GRM8: variants seen among roughly 807,000 people sequenced by gnomAD.
The protein encoded by GRM8 is metabotropic glutamate receptor 8.
In GRM8, 47 loss-of-function variants were observed where a neutral mutation model predicts 87.2. The observed-to-expected ratio is 0.54, with a 90% CI of 0.43 to 0.69. The LOEUF is 0.69. Ranked by LOEUF, GRM8 falls within the 30% of genes least tolerant of loss-of-function variation. GRM8 has a pLI of 0.00. For missense variants in GRM8, 1,019 were observed against 1,139.2 expected (o/e 0.89, Z 1.52); for synonymous variants, 396 against 404.5 (o/e 0.98, Z 0.25).
intron 9 of GRM8, among the ~76,000 whole-genome samples, chr7:126,515,965 C>T (rs1238156802): frequency 6.6e-6 from 1 of 151,968 alleles, no homozygotes; most frequent in Non-Finnish European, 1.5e-5. Flanking sequence ...GAATTTTATG[C>T]CATCTATTCA....
At chr7:127,009,983 C>T (rs1814718980) in intron 3 of GRM8, among the ~76,000 whole-genome samples, 1 of 151,812 alleles carries the variant, frequency 6.6e-6, no homozygotes, top group African/African-American at 2.4e-5. Context: ...GGTGGGACTA[C>T]AGGCATGCAC....
chr7:126,799,935 C>T (rs1822465496), intron 6 of GRM8, among the ~76,000 whole-genome samples: 1 of 152,070 alleles, frequency 6.6e-6, no homozygotes, highest in Non-Finnish European at 1.5e-5. Flanking sequence ...CAGTAATCTC[C>T]TCCTTCTCAT....
chr7:126,901,974 AATC>A (rs1156407914), intron 6 of GRM8, among the ~76,000 whole-genome samples: 3 of 151,988 alleles, frequency 2.0e-5, no homozygotes, highest in Non-Finnish European at 4.4e-5. Context: ...CTATGTGCAC[AATC>A]ATCTGAAAAT....
chr7:126,958,324 G>A (rs1414424738), intron 3 of GRM8, among the ~76,000 whole-genome samples: 3 of 152,242 alleles, frequency 2.0e-5, no homozygotes, highest in South Asian at 2.1e-4. Flanking sequence ...GCAGCCCTTC[G>A]GGGAGCCCAG....
intron 9 of GRM8, among the ~76,000 whole-genome samples, chr7:126,485,382 T>C (rs996422460): frequency 4.0e-5 from 6 of 151,106 alleles, no homozygotes; most frequent in Non-Finnish European, 7.4e-5. Context: ...GTGGGGGGCA[T>C]GAAAGGCTTT....
chr7:126,970,386 A>G (rs1320305486), intron 3 of GRM8, among the ~76,000 whole-genome samples: 1 of 152,186 alleles, frequency 6.6e-6, no homozygotes, highest in Non-Finnish European at 1.5e-5. Flanking sequence ...TTCAGCTTCT[A>G]CATTAGCACC....
intron 3 of GRM8, among the ~76,000 whole-genome samples, chr7:127,100,830 C>A (rs2133023680): frequency 6.6e-6 from 1 of 152,254 alleles, no homozygotes; most frequent in East Asian, 1.9e-4. Flanking sequence ...CACAGAAAAA[C>A]CATATCACAT....
At chr7:127,156,450 G>C (rs1386306850) in intron 2 of GRM8, among the ~76,000 whole-genome samples, 2 of 152,184 alleles carry the variant, frequency 1.3e-5, no homozygotes, top group East Asian at 1.9e-4. Context: ...AGCAGGCTCA[G>C]AGCAGAGGCA....
intron 7 of GRM8, among the ~76,000 whole-genome samples, chr7:126,617,631 C>T (rs11974080): frequency 0.31 from 46,781 of 150,404 alleles, 7,359 homozygotes; most frequent in East Asian, 0.42. Context: ...GAAAACCCCA[C>T]TGTCTCAGCC....
At chr7:126,701,889 T>A (rs934968242) in intron 7 of GRM8, 1 of 627,290 alleles carries the variant, frequency 1.6e-6, no homozygotes. Flanking sequence ...TATGCCTGGT[T>A]TGCTTTAGAC....
chr7:126,664,254 C>T (rs139393791), intron 7 of GRM8, among the ~76,000 whole-genome samples: 1,625 of 152,202 alleles, frequency 0.011, 24 homozygotes, highest in African/African-American at 0.037. Flanking sequence ...ATCAAATTAT[C>T]AATGTTATCT....
chr7:126,657,810 G>GT (rs1554441573), intron 7 of GRM8, among the ~76,000 whole-genome samples: 1 of 152,026 alleles, frequency 6.6e-6, no homozygotes, highest in Admixed American at 6.5e-5. Context: ...AGTGAGTGGG[G>GT]AAACCCACAG....
At chr7:126,784,864 G>A (rs1045590924) in intron 6 of GRM8, among the ~76,000 whole-genome samples, 2 of 152,072 alleles carry the variant, frequency 1.3e-5, no homozygotes, top group African/African-American at 4.8e-5. Flanking sequence ...TTTTATTACA[G>A]CTCAGGTCTA....
intron 2 of GRM8, among the ~76,000 whole-genome samples, chr7:127,149,361 G>C (rs1828721023): frequency 2.0e-5 from 3 of 151,978 alleles, no homozygotes; most frequent in African/African-American, 4.8e-5. Flanking sequence ...AAACCACCAT[G>C]ATATACCACT....
chr7:127,063,087 C>T (rs568338268), intron 3 of GRM8, among the ~76,000 whole-genome samples: 3 of 151,976 alleles, frequency 2.0e-5, no homozygotes, highest in Non-Finnish European at 4.4e-5. Flanking sequence ...CCCGTTTCTA[C>T]AAAAACATAC....
chr7:126,934,320 G>C (rs990988360), intron 3 of GRM8, among the ~76,000 whole-genome samples: 1 of 152,104 alleles, frequency 6.6e-6, no homozygotes, highest in Non-Finnish European at 1.5e-5. Flanking sequence ...AAAATGTTCA[G>C]TGATGGGTCT....
chr7:127,144,156 C>G (rs1444388832), intron 2 of GRM8, among the ~76,000 whole-genome samples: 1 of 152,086 alleles, frequency 6.6e-6, no homozygotes, highest in Non-Finnish European at 1.5e-5. Context: ...AGTGTGGGCA[C>G]TAAATAAAAC....
At chr7:126,535,493 T>G (rs759691356) in intron 8 of GRM8, among the ~76,000 whole-genome samples, 1 of 152,206 alleles carries the variant, frequency 6.6e-6, no homozygotes, top group African/African-American at 2.4e-5. Flanking sequence ...CCATGACTGT[T>G]CCTGCAGAGC....
At chr7:127,187,004 C>T (rs774445485) in intron 2 of GRM8, among the ~76,000 whole-genome samples, 3 of 152,186 alleles carry the variant, frequency 2.0e-5, no homozygotes, top group Non-Finnish European at 4.4e-5. Context: ...AACTCAGTCA[C>T]CTGAGGTTGG....
Sources: gnomAD v4.1 joint callset for allele counts (sites outside exome capture counted in the v4.1 genomes callset) on GRCh38, gnomAD v4.1.1 for gene constraint, MANE v1.5 for transcripts, NCBI Gene and HGNC (gene_info 2026-07-23, HGNC 2026-07-21) for gene names.